Variants in MAML3 observed in about 807,000 individuals in gnomAD.
MAML3 encodes mastermind like transcriptional coactivator 3.
In MAML3, 27 loss-of-function variants were observed where a neutral mutation model predicts 101.9. That is an observed-to-expected ratio of 0.27 (90% CI 0.20 to 0.37). The LOEUF (loss-of-function observed/expected upper bound fraction) is 0.37, where lower values mean the gene tolerates loss of function less well. Ranked by LOEUF, MAML3 falls within the 10% of genes least tolerant of loss-of-function variation. MAML3 has a pLI of 1.00. For missense variants in MAML3, 1,316 were observed against 1,444.9 expected (o/e 0.91, Z 1.45); for synonymous variants, 501 against 555.9 (o/e 0.90, Z 1.39).
intron 2 of MAML3, among the ~76,000 whole-genome samples, chr4:139,769,078 G>A (rs982733552): frequency 7.2e-5 from 11 of 152,100 alleles, no homozygotes; most frequent in African/African-American, 2.4e-4. Context: ...TCCAAAGGTC[G>A]CCTCCTGGTG....
intron 1 of MAML3, among the ~76,000 whole-genome samples, chr4:139,985,632 AT>A: frequency 6.6e-6 from 1 of 152,204 alleles, no homozygotes; most frequent in Non-Finnish European, 1.5e-5. Context: ...GAATGCATAG[AT>A]TCCTTATTTA....
intron 1 of MAML3, among the ~76,000 whole-genome samples, chr4:140,052,189 T>A (rs1727280291): frequency 6.6e-6 from 1 of 152,212 alleles, no homozygotes; most frequent in African/African-American, 2.4e-5. Flanking sequence ...TACCCACCTA[T>A]ACCTACCTAA....
In MAML3 at chr4:140,079,297, A is replaced by T. The variant is rs141706977; in HGVS notation, c.468+73563T>A. Among the ~76,000 whole-genome samples, 991 of 152,188 alleles carry T rather than the reference A, an allele frequency of 6.5e-3. 12 individuals carry two copies. The highest frequency in any genetic ancestry group is 0.022 in the African/African-American group (917 of 41,534). On this transcript the variant is annotated intron_variant, in intron 1 of 4. Transcript: ENST00000509479. ...GTTCTATTAATTAATTAATTAATTT[A>T]AAAAAAATTTTTTTAGATGGAGTCT...
chr4:139,886,998 G>A (rs1431528629), intron 2 of MAML3, among the ~76,000 whole-genome samples: 1 of 152,188 alleles, frequency 6.6e-6, no homozygotes, highest in Admixed American at 6.5e-5. Flanking sequence ...ACGAAATGTT[G>A]ATCATGGTCA....
rs148254724 is a variant in MAML3 at position 139,887,914 on chromosome 4, C to G, written c.2079+1443G>C. 2.5e-3 allele frequency among the ~76,000 whole-genome samples: 384 copies of G among 152,268 alleles called. 1 individual carries two copies. The highest frequency in any genetic ancestry group is 8.4e-3 in the African/African-American group (348 of 41,540). ...TGTTATCTCCCCAATGGTATATATT[C>G]TTAATGAAACTAAGATAATATATAG... On this transcript the variant is annotated intron_variant, in intron 2 of 4. Coordinates refer to ENST00000509479, the MANE Select transcript of MAML3 (RefSeq NM_018717.5).
intron 1 of MAML3, among the ~76,000 whole-genome samples, chr4:140,136,469 G>A (rs1728884190): frequency 6.6e-6 from 1 of 152,174 alleles, no homozygotes; most frequent in Non-Finnish European, 1.5e-5. Context: ...TACTGGAGCC[G>A]TGTTTATCTC....
At chr4:139,795,413 C>T (rs1346627036) in intron 2 of MAML3, among the ~76,000 whole-genome samples, 1 of 152,094 alleles carries the variant, frequency 6.6e-6, no homozygotes, top group East Asian at 1.9e-4. Flanking sequence ...ATACACGAAA[C>T]GTTTCTGAAT....
chr4:139,963,705 G>A (rs1231676064), intron 1 of MAML3, among the ~76,000 whole-genome samples: 1 of 152,162 alleles, frequency 6.6e-6, no homozygotes, highest in Non-Finnish European at 1.5e-5. Flanking sequence ...AGGCATCAGA[G>A]ACAATTGTAA....
intron 1 of MAML3, among the ~76,000 whole-genome samples, chr4:140,038,586 A>G (rs930712189): frequency 6.6e-6 from 1 of 152,204 alleles, no homozygotes; most frequent in African/African-American, 2.4e-5. Context: ...CTGGGTCCAT[A>G]ATGCCAGCTC....
Position 139,889,418 on chromosome 4 carries a change from A to C in MAML3, c.2018T>G (p.Met673Arg). 6.2e-7 allele frequency: 1 copy of C among 1,614,060 alleles called. No homozygotes were observed. Among genetic ancestry groups the C allele is most frequent in the Non-Finnish European group, 8.5e-7 (1 of 1,179,898 alleles). Residue 673 changes from methionine to arginine, a missense_variant, in exon 2 of 5, where the codon ATG (methionine) becomes AGG (arginine). Transcript: ENST00000509479. Reference sequence around the variant, plus strand: ...CTGATTCATCACTCCTTTCTGCTTCATGAGAAGCAGGCGTTTCTGGTCTTC... The same window carrying C: ...CTGATTCATCACTCCTTTCTGCTTCCTGAGAAGCAGGCGTTTCTGGTCTTC... Reference protein sequence around the residue: ...LSEDQKRLLLMKQKGVMNQPM... With the variant: ...LSEDQKRLLLRKQKGVMNQPM...
intron 2 of MAML3, among the ~76,000 whole-genome samples, chr4:139,880,540 T>G (rs1732198084): frequency 6.6e-6 from 1 of 152,138 alleles, no homozygotes; most frequent in Non-Finnish European, 1.5e-5. Context: ...TTGAAGTAAG[T>G]CAGTATTTCA....
intron 2 of MAML3, among the ~76,000 whole-genome samples, chr4:139,796,840 G>A (rs1184944555): frequency 6.6e-6 from 1 of 152,000 alleles, no homozygotes; most frequent in African/African-American, 2.4e-5. Context: ...CTGGAATACA[G>A]CAAGAATGAA....
chr4:140,124,339 A>G (rs1251555580), intron 1 of MAML3, among the ~76,000 whole-genome samples: 1 of 152,166 alleles, frequency 6.6e-6, no homozygotes, highest in Non-Finnish European at 1.5e-5. Context: ...TTAGCTCCTC[A>G]ATATGCCCAA....
rs1057097358 is a variant in MAML3 at position 139,815,886 on chromosome 4, C to T, written c.2079+73471G>A. On this transcript the variant is annotated intron_variant, in intron 2 of 4. Coordinates refer to ENST00000509479, the MANE Select transcript of MAML3 (RefSeq NM_018717.5). ...CTTGAGCAGTAACACAGCAACAATACGGACGACGATGAGCATAATAAATAA... is the reference window on the plus strand; with the variant it reads ...CTTGAGCAGTAACACAGCAACAATATGGACGACGATGAGCATAATAAATAA... Among the ~76,000 whole-genome samples, 10 of 152,076 alleles carry T rather than the reference C, an allele frequency of 6.6e-5. 1 individual carries two copies. Among genetic ancestry groups the T allele is most frequent in the South Asian group, 2.1e-4 (1 of 4,834 alleles).
chr4:140,104,057 T>G (rs1038911556), intron 1 of MAML3, among the ~76,000 whole-genome samples: 2 of 151,944 alleles, frequency 1.3e-5, no homozygotes, highest in African/African-American at 4.8e-5. Context: ...ATCACTCACT[T>G]CTGTTTTTAA....
chr4:140,046,619 A>G (rs1727186836), intron 1 of MAML3, among the ~76,000 whole-genome samples: 1 of 152,204 alleles, frequency 6.6e-6, no homozygotes, highest in South Asian at 2.1e-4. Flanking sequence ...GCATTTCTTC[A>G]GTGCCTACTG....
At chr4:140,023,215 T>G (rs1413674867) in intron 1 of MAML3, among the ~76,000 whole-genome samples, 2 of 152,200 alleles carry the variant, frequency 1.3e-5, no homozygotes, top group Non-Finnish European at 2.9e-5. Context: ...TATCTTATTT[T>G]CCTGTGTGAT....
chr4:139,741,310 A>AG (rs1484907796), intron 2 of MAML3, among the ~76,000 whole-genome samples: 1 of 152,218 alleles, frequency 6.6e-6, no homozygotes, highest in Non-Finnish European at 1.5e-5. Flanking sequence ...ATGGGGGATC[A>AG]GGGCATAAGA....
intron 1 of MAML3, among the ~76,000 whole-genome samples, chr4:140,116,920 C>A (rs1315144815): frequency 1.3e-5 from 2 of 152,136 alleles, no homozygotes; most frequent in African/African-American, 4.8e-5. Flanking sequence ...TGGAGATCAC[C>A]TTCTGTAATA....
Sources: gnomAD v4.1 joint callset for allele counts (sites outside exome capture counted in the v4.1 genomes callset) on GRCh38, gnomAD v4.1.1 for gene constraint, MANE v1.5 for transcripts, NCBI Gene and HGNC (gene_info 2026-07-23, HGNC 2026-07-21) for gene names.